Variants in CDIPT observed in about 807,000 individuals in gnomAD.
CDIPT encodes PI synthase.
A neutral mutation model predicts 21.6 loss-of-function variants in CDIPT; 17 were observed. That is an observed-to-expected ratio of 0.79 (90% CI 0.54 to 1.18). The LOEUF (loss-of-function observed/expected upper bound fraction) is 1.18. CDIPT is among the 50% of genes most tolerant of loss of function. The probability of loss-of-function intolerance (pLI) is 0.00; values close to 1 mark genes in which losing one functional copy is unlikely to be tolerated. For missense variants in CDIPT, 254 were observed against 284.9 expected (o/e 0.89, Z 0.78); for synonymous variants, 119 against 117.9 (o/e 1.01, Z -0.06).
Position 29,862,710 on chromosome 16 carries a change from C to T in CDIPT, c.54G>A (p.Arg18=). The T allele has an allele frequency of 6.2e-7, 1 of 1,614,044 alleles. No individual in the cohort carries two copies. Among genetic ancestry groups the T allele is most frequent in the Non-Finnish European group, 8.5e-7 (1 of 1,179,936 alleles). Residue 18 remains arginine (R), a synonymous_variant, in exon 2 of 6, where the codon CGG becomes CGA. Transcript: ENST00000219789. This position sits in a 1 kb window ranked among gnomAD's most constrained non-coding sequence, Gnocchi z 6.7. ...AGAAAGAAATGATGGCGAAGACAAT[C>T]CGGGCATAACCTTGGAACGGGACGC... ...LFVPNLIGYA[R]IVFAIISFYF... is the part of the protein sequence containing the mutation.
Position 29,862,754 on chromosome 16 carries a change from C to A in CDIPT, c.44-34G>T, listed in dbSNP as rs1452581779. Reference sequence around the variant, plus strand: ...GGGACGCGGGGAGACAGGGCAGGATCAGGGAGCCCGCCAAGGCCCCTCGCC... The same window carrying A: ...GGGACGCGGGGAGACAGGGCAGGATAAGGGAGCCCGCCAAGGCCCCTCGCC... On this transcript the variant is annotated intron_variant, in intron 1 of 5. Transcript: ENST00000219789. This position sits in a 1 kb window ranked among gnomAD's most constrained non-coding sequence, Gnocchi z 6.7. 8.1e-6 allele frequency: 13 copies of A among 1,613,520 alleles called. No individual in the cohort carries two copies. The highest frequency in any genetic ancestry group is 1.0e-5 in the Non-Finnish European group (12 of 1,179,758).
Position 29,862,932 on chromosome 16 carries a change from G to A in CDIPT, c.-75C>T. On this transcript the variant is annotated 5_prime_UTR_variant, in exon 1 of 6. Coordinates refer to ENST00000219789, the MANE Select transcript of CDIPT (RefSeq NM_006319.5). This position sits in a 1 kb window ranked among gnomAD's most constrained non-coding sequence, Gnocchi z 6.7. ...GTCCCAGCCCCGCAGCGCGGCCTCAGCCTCCGGCCCGGCGCATCGGCCGCA... is the reference window on the plus strand; with the variant it reads ...GTCCCAGCCCCGCAGCGCGGCCTCAACCTCCGGCCCGGCGCATCGGCCGCA... 2 of 1,562,318 alleles carry A rather than the reference G, an allele frequency of 1.3e-6. No individual in the cohort carries two copies. Among genetic ancestry groups the A allele is most frequent in the Non-Finnish European group, 1.8e-6 (2 of 1,135,958 alleles).
intron 2 of CDIPT, chr16:29,861,587 C>T: frequency 7.8e-7 from 1 of 1,275,898 alleles, no homozygotes; most frequent in East Asian, 2.5e-5. Context: ...GTCTGGAGAA[C>T]AGATTAAAAA....
intron 4 of CDIPT, among the ~76,000 whole-genome samples, chr16:29,860,034 C>T (rs2067667161): frequency 6.6e-6 from 1 of 151,948 alleles, no homozygotes; most frequent in African/African-American, 2.4e-5. Context: ...TAAATAAACC[C>T]TTGGTCTCAC....
Position 29,862,010 on chromosome 16 carries a change from C to T in CDIPT, c.178+576G>A, listed in dbSNP as rs751865963. On this transcript the variant is annotated intron_variant, in intron 2 of 5. Coordinates refer to ENST00000219789, the MANE Select transcript of CDIPT (RefSeq NM_006319.5). The surrounding 1 kb of genome is among the most constrained non-coding windows in gnomAD (Gnocchi z 6.7). The stretch of plus-strand genomic sequence containing the variant: ...CCTCCCAAAGTGCTGGGATTACAGG[C>T]GTGAGCCACCGCCCCTGGCCTGAAT... Among the ~76,000 whole-genome samples the T allele has an allele frequency of 2.4e-4, 36 of 152,160 alleles. No homozygotes were observed. Among genetic ancestry groups the T allele is most frequent in the Non-Finnish European group, 4.4e-4 (30 of 68,022 alleles).
rs543693875 is a variant in CDIPT at position 29,862,468 on chromosome 16, G to T, written c.178+118C>A. 5.3e-4 allele frequency: 580 copies of T among 1,086,174 alleles called. 5 individuals are homozygous for T. The African/African-American group carries it at 7.7e-3, about 14-fold the overall frequency. The allele number at this position is 1,086,174 out of a possible 1,614,324, so 67.3% of individuals were successfully genotyped here. ...AAAACAAAAAGCCCCAGGCCATCCT[G>T]TTCTGCTTTTTCCAGAGATGGGAAT... On this transcript the variant is annotated intron_variant, in intron 2 of 5. Transcript: ENST00000219789. The surrounding 1 kb of genome is among the most constrained non-coding windows in gnomAD (Gnocchi z 6.7).
At chr16:29,860,704 C>T in intron 3 of CDIPT, 42 bp from the exon 4 acceptor site, 2 of 1,126,138 alleles carry the variant, frequency 1.8e-6, no homozygotes, top group Non-Finnish European at 1.3e-6. Flanking sequence ...TTCATGACCA[C>T]TACCATGCAT....
Position 29,859,653 on chromosome 16 carries a change from G to T in CDIPT, c.415-130C>A. On this transcript the variant is annotated intron_variant, in intron 4 of 5. Transcript: ENST00000219789. This position sits in a 1 kb window ranked among gnomAD's most constrained non-coding sequence, Gnocchi z 4.5. ...TTTTTTTTTCTTTTTTACAGACAGG[G>T]TCTCGCTCTCTCATCCAGGTTGGAA... 1 of 665,828 alleles carries T rather than the reference G, an allele frequency of 1.5e-6. No homozygotes were observed. Among genetic ancestry groups the T allele is most frequent in the South Asian group, 1.8e-5 (1 of 55,342 alleles). 41.2% of individuals were successfully genotyped at this position (665,828 alleles called of 1,614,324 possible).
At position 29,862,510 on chromosome 16, in the gene CDIPT, T is replaced by C; in HGVS notation, c.178+76A>G. The C allele has an allele frequency of 1.4e-6, 2 of 1,449,772 alleles. No homozygotes were observed. The highest frequency in any genetic ancestry group is 1.9e-6 in the Non-Finnish European group (2 of 1,059,912). The allele number at this position is 1,449,772 out of a possible 1,614,324, so 89.8% of individuals were successfully genotyped here. Reference sequence around the variant, plus strand: ...GATGGGAATGACAGCCCTCTGACTCTGAGGTCCCGAGGAGGCAGGGGAAGG... The same window carrying C: ...GATGGGAATGACAGCCCTCTGACTCCGAGGTCCCGAGGAGGCAGGGGAAGG... On this transcript the variant is annotated intron_variant, in intron 2 of 5. Coordinates refer to ENST00000219789, the MANE Select transcript of CDIPT (RefSeq NM_006319.5). This position sits in a 1 kb window ranked among gnomAD's most constrained non-coding sequence, Gnocchi z 6.7.
intron 2 of CDIPT, chr16:29,861,683 G>A: frequency 1.6e-6 from 1 of 609,440 alleles, no homozygotes; most frequent in East Asian, 2.8e-5. Context: ...GCTTATGCAG[G>A]GCACACAGTA....
At chr16:29,861,493 C>T in intron 2 of CDIPT, 2 of 1,535,588 alleles carry the variant, frequency 1.3e-6, no homozygotes, top group East Asian at 2.4e-5. Context: ...GAGAGGAAAG[C>T]TATGTCTGCA....
rs768801850 is a variant in CDIPT, at chr16:29,862,643, G to A, written c.121C>T (p.Leu41=). ...AAAGCGTCCAGCAGGCCGCTGAGCA[G>A]GTAGAAGGAGGAGGCCGTGAGGGGG... The part of the protein sequence containing the change: ...CCPLTASSFY[L]LSGLLDAFDG... The change falls in exon 2 of 6, where the codon CTG becomes TTG. Residue 41 remains leucine, a synonymous_variant. Coordinates refer to ENST00000219789, the MANE Select transcript of CDIPT (RefSeq NM_006319.5). The surrounding 1 kb of genome is among the most constrained non-coding windows in gnomAD (Gnocchi z 6.7). 3 of 1,611,396 alleles carry A rather than the reference G, an allele frequency of 1.9e-6. No homozygotes were observed. The highest frequency in any genetic ancestry group is 2.2e-5 in the South Asian group (2 of 90,924).
At position 29,860,462 on chromosome 16, in the gene CDIPT, GGAGT is replaced by G. The variant is rs1217298087; in HGVS notation, c.414+115_414+118del. 1.5e-5 allele frequency: 10 copies of G among 684,034 alleles called. No homozygotes were observed. The Middle Eastern group carries it at 1.1e-3, about 78-fold the overall frequency. The allele number at this position is 684,034 out of a possible 1,614,324, so 42.4% of individuals were successfully genotyped here. A position where few individuals can be genotyped will look rare whatever the true frequency, so the allele number is the denominator to read the frequency against. On this transcript the variant is annotated intron_variant, in intron 4 of 5. Coordinates refer to ENST00000219789, the MANE Select transcript of CDIPT (RefSeq NM_006319.5). ...GCCTCAGCTTACGGGCCCTCCTCCT[GGAGT>G]GACTGGGCAGGCCCTGCTCTGCGCC...
chr16:29,863,040 A>G lies in CDIPT; in HGVS notation c.-183T>C, dbSNP rs779924652. ...CCGTCGGGAGCATGGACCGGCCCCG[A>G]GGTGCGCGGGACGCAGGGGGCGCGC... On this transcript the variant is annotated 5_prime_UTR_variant, in exon 1 of 6. Coordinates refer to ENST00000219789, the MANE Select transcript of CDIPT (RefSeq NM_006319.5). 1 of 711,958 alleles carries G rather than the reference A, an allele frequency of 1.4e-6. No homozygotes were observed. The highest frequency in any genetic ancestry group is 2.4e-6 in the Non-Finnish European group (1 of 414,988). 44.1% of individuals were successfully genotyped at this position (711,958 alleles called of 1,614,324 possible).
At chr16:29,861,432 A>C in intron 2 of CDIPT, 173 bp from the exon 3 acceptor site, 1 of 1,540,198 alleles carries the variant, frequency 6.5e-7, no homozygotes, top group Non-Finnish European at 8.7e-7. Context: ...GGCAAAGGTC[A>C]CCATGGCATG....
chr16:29,862,922 C>A lies in CDIPT; in HGVS notation c.-65G>T, dbSNP rs778094178. On this transcript the variant is annotated 5_prime_UTR_variant, in exon 1 of 6. Transcript: ENST00000219789. The surrounding 1 kb of genome is among the most constrained non-coding windows in gnomAD (Gnocchi z 6.7). ...TGCCAGTGCTGTCCCAGCCCCGCAGCGCGGCCTCAGCCTCCGGCCCGGCGC... is the reference window on the plus strand; with the variant it reads ...TGCCAGTGCTGTCCCAGCCCCGCAGAGCGGCCTCAGCCTCCGGCCCGGCGC... The A allele has an allele frequency of 6.3e-7, 1 of 1,588,292 alleles. No individual in the cohort carries two copies. The highest frequency in any genetic ancestry group is 1.1e-5 in the South Asian group (1 of 90,242).
At position 29,861,176 on chromosome 16, in the gene CDIPT, G is replaced by C; in HGVS notation, c.262C>G (p.Pro88Ala). Reference protein sequence around the residue: ...CLLVNLALLYPGATLFFQISM... With the variant: ...CLLVNLALLYAGATLFFQISM... ...ATTTGGAAGAACAGCGTGGCTCCAG[G>C]GTACAGCAGGGCCAGGTTGACCAAC... The change falls in exon 3 of 6, where the codon CCT (proline) becomes GCT (alanine). Residue 88 changes from proline to alanine, a missense_variant. Transcript: ENST00000219789. The C allele has an allele frequency of 6.2e-7, 1 of 1,614,162 alleles. No homozygotes were observed. The highest frequency in any genetic ancestry group is 8.5e-7 in the Non-Finnish European group (1 of 1,180,034).
chr16:29,863,226 TA>T (rs1052426156), upstream of CDIPT: 2 of 319,606 alleles, frequency 6.3e-6, no homozygotes, highest in East Asian at 2.1e-4. Context: ...AAAAGTGGCT[TA>T]AAAAAATAGT....
rs547620358 is a variant in CDIPT at position 29,861,424 on chromosome 16, C to T, written c.179-165G>A. ...ACAGGCTGTGTGTGAGGTCAGTGGG[C>T]AAAGGTCACCATGGCATGAACTGAG... On this transcript the variant is annotated intron_variant, in intron 2 of 5. Coordinates refer to ENST00000219789, the MANE Select transcript of CDIPT (RefSeq NM_006319.5). 32 of 1,541,132 alleles carry T rather than the reference C, an allele frequency of 2.1e-5. No homozygotes were observed. In the East Asian group the frequency reaches 6.8e-4, roughly 33 times the overall value.
Sources: gnomAD v4.1 joint callset for allele counts (sites outside exome capture counted in the v4.1 genomes callset) on GRCh38, gnomAD v4.1.1 for gene constraint, Gnocchi (gnomAD v3.1) non-coding constraint, MANE v1.5 for transcripts, NCBI Gene and HGNC (gene_info 2026-07-23, HGNC 2026-07-21) for gene names.